Variants in SAMMSON observed in about 807,000 individuals in gnomAD.
SAMMSON encodes the protein survival associated mitochondrial melanoma specific oncogenic non-coding RNA.
intron 6 of SAMMSON, among the ~76,000 whole-genome samples, chr3:70,286,870 G>C (rs1055423503): frequency 1.3e-5 from 2 of 152,010 alleles, no homozygotes; most frequent in African/African-American, 2.4e-5. Flanking sequence ...TCTGTTGTTG[G>C]TGTATAAGAA....
intron 9 of SAMMSON, among the ~76,000 whole-genome samples, chr3:70,383,942 A>G (rs1703098282): frequency 6.6e-6 from 1 of 151,954 alleles, no homozygotes; most frequent in African/African-American, 2.4e-5. Context: ...CTACCTGTCA[A>G]TTTTTATTAA....
At chr3:70,122,183 C>T (rs1352339989) in intron 4 of SAMMSON, among the ~76,000 whole-genome samples, 1 of 152,088 alleles carries the variant, frequency 6.6e-6, no homozygotes, top group African/African-American at 2.4e-5. Context: ...ATAATTTTAT[C>T]TCTTTCCTAT....
chr3:70,233,273 TG>T (rs1156236162), intron 4 of SAMMSON, among the ~76,000 whole-genome samples: 1 of 151,986 alleles, frequency 6.6e-6, no homozygotes, highest in Non-Finnish European at 1.5e-5. Context: ...CTGAAATCTG[TG>T]GAGTGGGTGG....
intron 7 of SAMMSON, among the ~76,000 whole-genome samples, chr3:70,295,046 A>G (rs1000383298): frequency 6.6e-6 from 1 of 152,166 alleles, no homozygotes; most frequent in African/African-American, 2.4e-5. Flanking sequence ...GCCTAAAATA[A>G]TCAATGATCT....
At chr3:70,310,991 A>C (rs1313126681) in intron 7 of SAMMSON, among the ~76,000 whole-genome samples, 1 of 152,166 alleles carries the variant, frequency 6.6e-6, no homozygotes, top group African/African-American at 2.4e-5. Flanking sequence ...ACTGCTTCAC[A>C]GGGTTGTCAT....
chr3:70,233,458 G>A (rs747154086), intron 4 of SAMMSON, among the ~76,000 whole-genome samples: 10 of 152,116 alleles, frequency 6.6e-5, no homozygotes, highest in East Asian at 5.8e-4. Context: ...TTCCCTTTTC[G>A]TTGTTTGCTG....
At chr3:70,349,888 A>G (rs1432731710) in intron 7 of SAMMSON, among the ~76,000 whole-genome samples, 1 of 152,216 alleles carries the variant, frequency 6.6e-6, no homozygotes, top group Non-Finnish European at 1.5e-5. Context: ...AACAAACACT[A>G]AAAGAAAAAG....
At chr3:70,412,127 A>G (rs1345185811) in intron 2 of SAMMSON, among the ~76,000 whole-genome samples, 1 of 152,154 alleles carries the variant, frequency 6.6e-6, no homozygotes, top group Non-Finnish European at 1.5e-5. Context: ...TTCAATGCTG[A>G]TGAAAGTAAA....
At chr3:70,223,967 T>C (rs999865294) in intron 4 of SAMMSON, among the ~76,000 whole-genome samples, 3 of 152,070 alleles carry the variant, frequency 2.0e-5, no homozygotes, top group Non-Finnish European at 4.4e-5. Flanking sequence ...GACTATAACC[T>C]GATATGCTAT....
At chr3:70,162,961 A>G (rs1163129132) in intron 4 of SAMMSON, among the ~76,000 whole-genome samples, 1 of 151,842 alleles carries the variant, frequency 6.6e-6, no homozygotes, top group Non-Finnish European at 1.5e-5. Context: ...ATAGTTACCC[A>G]ACTTGTTTTT....
intron 4 of SAMMSON, among the ~76,000 whole-genome samples, chr3:70,119,100 CTT>C (rs1310229117): frequency 2.6e-5 from 4 of 152,226 alleles, no homozygotes; most frequent in South Asian, 2.1e-4. Context: ...GAGTTTCGCT[CTT>C]GTTACCCAAG....
chr3:70,236,914 TAA>T (rs1338646881), intron 4 of SAMMSON, among the ~76,000 whole-genome samples: 1 of 152,180 alleles, frequency 6.6e-6, no homozygotes, highest in Non-Finnish European at 1.5e-5. Context: ...TTTATTTATG[TAA>T]AAAATATTTC....
At chr3:70,151,242 C>T (rs2067570900) in intron 4 of SAMMSON, among the ~76,000 whole-genome samples, 1 of 151,964 alleles carries the variant, frequency 6.6e-6, no homozygotes. Context: ...GGTTATCACA[C>T]CAGGAATCTG....
At chr3:70,053,089 G>A (rs1434023493) in intron 3 of SAMMSON, among the ~76,000 whole-genome samples, 3 of 152,100 alleles carry the variant, frequency 2.0e-5, no homozygotes, top group South Asian at 2.1e-4. Flanking sequence ...ATAGTGCTTT[G>A]GAATTTGCAG....
chr3:70,041,647 A>C (rs948909161), intron 3 of SAMMSON, among the ~76,000 whole-genome samples: 1 of 152,142 alleles, frequency 6.6e-6, no homozygotes, highest in Admixed American at 6.6e-5. Context: ...AATAAAAAAT[A>C]ACAATACAAC....
intron 2 of SAMMSON, among the ~76,000 whole-genome samples, chr3:70,434,432 C>T (rs532873664): frequency 9.2e-5 from 14 of 152,234 alleles, no homozygotes; most frequent in African/African-American, 3.1e-4. Context: ...TCATTATTGG[C>T]ATATAAGAAA....
At chr3:70,337,260 G>A (rs1373011017) in intron 7 of SAMMSON, among the ~76,000 whole-genome samples, 1 of 150,148 alleles carries the variant, frequency 6.7e-6, no homozygotes, top group Non-Finnish European at 1.5e-5. Context: ...TTAATAGGGA[G>A]TTTTATGTCT....
intron 4 of SAMMSON, among the ~76,000 whole-genome samples, chr3:70,160,344 T>C (rs563449462): frequency 6.6e-6 from 1 of 152,080 alleles, no homozygotes; most frequent in South Asian, 2.1e-4. Flanking sequence ...AGGATTTCCT[T>C]CCTTCCCTTC....
At chr3:70,179,349 G>T (rs1300118481) in intron 4 of SAMMSON, among the ~76,000 whole-genome samples, 5 of 152,132 alleles carry the variant, frequency 3.3e-5, no homozygotes, top group African/African-American at 1.2e-4. Context: ...GACATTTTTG[G>T]TGTTTGTTGA....
Sources: allele counts gnomAD v4.1 joint callset (sites outside exome capture counted in the v4.1 genomes callset), GRCh38; gene constraint gnomAD v4.1.1; transcripts MANE v1.5; gene names NCBI Gene and HGNC (gene_info 2026-07-23, HGNC 2026-07-21).